Variants in ULK4 observed in about 807,000 individuals in gnomAD.
ULK4 encodes unc-51 like kinase 4.
In ULK4, 133 loss-of-function variants were observed where a neutral mutation model predicts 160.6. That is an observed-to-expected ratio of 0.83 (90% CI 0.72 to 0.96). ULK4 has a LOEUF of 0.96. Among genes scored for constraint, ULK4 ranks in the 40% least tolerant of loss-of-function variants. ULK4 has a pLI of 0.00. For synonymous variants in ULK4, 534 were observed against 539.8 expected (o/e 0.99, Z 0.15); for missense variants, 1,580 against 1,499.5 (o/e 1.05, Z -0.89).
chr3:41,354,568 C>T (rs72864988), intron 35 of ULK4, among the ~76,000 whole-genome samples: 23,226 of 151,904 alleles, frequency 0.15, 1,970 homozygotes, highest in African/African-American at 0.21. Context: ...ACCTGTTAGA[C>T]TGGGGATTCT....
chr3:41,775,122 A>C (rs528887978), intron 21 of ULK4, among the ~76,000 whole-genome samples: 1 of 149,812 alleles, frequency 6.7e-6, no homozygotes, highest in East Asian at 1.9e-4. Context: ...CCTAATGCTA[A>C]ATGACCAGTT....
chr3:41,290,773 T>C (rs988707835), intron 35 of ULK4, among the ~76,000 whole-genome samples: 2 of 152,230 alleles, frequency 1.3e-5, no homozygotes, highest in African/African-American at 4.8e-5. Flanking sequence ...CTGAAGATCA[T>C]CTCTTGATAC....
intron 31 of ULK4, among the ~76,000 whole-genome samples, chr3:41,583,872 TG>T (rs1214343352): frequency 6.6e-6 from 1 of 152,172 alleles, no homozygotes; most frequent in Non-Finnish European, 1.5e-5. Flanking sequence ...TACACAAATG[TG>T]GGATGGAGCA....
At chr3:41,423,554 T>G (rs2082706929) in intron 34 of ULK4, among the ~76,000 whole-genome samples, 1 of 152,008 alleles carries the variant, frequency 6.6e-6, no homozygotes, top group Non-Finnish European at 1.5e-5. Context: ...GCTTTTTGGT[T>G]ATAAGATTCA....
At position 41,254,264 on chromosome 3, in the gene ULK4, C is replaced by T. The variant is rs1034765670; in HGVS notation, c.3679-4690G>A. Among the ~76,000 whole-genome samples the T allele has an allele frequency of 2.6e-5, 4 of 152,236 alleles. No homozygotes were observed. In the South Asian group the frequency reaches 8.3e-4, roughly 32 times the overall value. ...CTGTGTCATAAAACGTATCTTAACA[C>T]ATTTAAAAAAATTGAAACCATATAA... On this transcript the variant is annotated intron_variant, in intron 35 of 36. Transcript: ENST00000301831.
intron 13 of ULK4, 38 bp downstream of exon 13, chr3:41,900,687 A>C (rs775689071): frequency 3.4e-6 from 5 of 1,480,714 alleles, no homozygotes; most frequent in Admixed American, 3.5e-5. Flanking sequence ...AGATCTCAGT[A>C]AAGTCTACAA....
intron 34 of ULK4, among the ~76,000 whole-genome samples, chr3:41,410,682 A>G (rs1239841118): frequency 6.6e-6 from 1 of 152,210 alleles, no homozygotes; most frequent in East Asian, 1.9e-4. Context: ...ACTGTTATAA[A>G]AAATGCTAAT....
chr3:41,443,656 G>C (rs1422103764), intron 34 of ULK4, among the ~76,000 whole-genome samples: 2 of 152,028 alleles, frequency 1.3e-5, no homozygotes, highest in Non-Finnish European at 2.9e-5. Flanking sequence ...ACTGAAATTT[G>C]TGCATATTAG....
chr3:41,444,361 TTCTCTCTCTCTCTCTCTC>T (rs56744200), intron 34 of ULK4, among the ~76,000 whole-genome samples: 2 of 146,580 alleles, frequency 1.4e-5, no homozygotes, highest in East Asian at 4.1e-4. Context: ...TTTAAGTGAC[TTCTCTCTCTCTCTCTCTC>T]TCTCTCTCTC....
At chr3:41,818,850 T>C (rs963716449) in intron 19 of ULK4, among the ~76,000 whole-genome samples, 3 of 152,256 alleles carry the variant, frequency 2.0e-5, no homozygotes, top group Non-Finnish European at 4.4e-5. Flanking sequence ...ATCCTTTACA[T>C]AGTTACACGT....
chr3:41,412,906 A>G (rs949235304), intron 34 of ULK4, among the ~76,000 whole-genome samples: 1 of 152,330 alleles, frequency 6.6e-6, no homozygotes, highest in East Asian at 1.9e-4. Flanking sequence ...AAAGCCATAC[A>G]CTTTTACCTT....
At chr3:41,385,342 C>G (rs1171845845) in intron 35 of ULK4, among the ~76,000 whole-genome samples, 5 of 151,938 alleles carry the variant, frequency 3.3e-5, no homozygotes, top group Non-Finnish European at 7.4e-5. Context: ...GCAGAAGATG[C>G]TGTAGAGAGA....
intron 16 of ULK4, among the ~76,000 whole-genome samples, chr3:41,894,033 A>G (rs928894242): frequency 1.3e-5 from 2 of 152,184 alleles, no homozygotes; most frequent in African/African-American, 4.8e-5. Context: ...AAACTGTTTT[A>G]CAATCAAACT....
intron 17 of ULK4, among the ~76,000 whole-genome samples, chr3:41,869,558 T>C (rs2125691713): frequency 1.3e-5 from 2 of 152,220 alleles, no homozygotes; most frequent in South Asian, 4.1e-4. Context: ...CCAGCCTGGG[T>C]GACCGGGTGA....
intron 35 of ULK4, among the ~76,000 whole-genome samples, chr3:41,273,017 G>A (rs1420952836): frequency 1.3e-5 from 2 of 152,080 alleles, no homozygotes; most frequent in Non-Finnish European, 2.9e-5. Flanking sequence ...CCATTCTAAT[G>A]TCTGTGTCAC....
At chr3:41,826,665 C>T (rs1458369827) in intron 18 of ULK4, among the ~76,000 whole-genome samples, 1 of 149,292 alleles carries the variant, frequency 6.7e-6, no homozygotes, top group African/African-American at 2.5e-5. Flanking sequence ...AAAGCAAGTC[C>T]TTAGAGACCT....
chr3:41,933,624 A>C (rs1451453147), intron 4 of ULK4, among the ~76,000 whole-genome samples: 4 of 152,186 alleles, frequency 2.6e-5, no homozygotes, highest in Non-Finnish European at 5.9e-5. Flanking sequence ...TCCCGGATAG[A>C]TATCAGCAAA....
At chr3:41,279,903 T>A (rs1025266912) in intron 35 of ULK4, among the ~76,000 whole-genome samples, 5 of 152,074 alleles carry the variant, frequency 3.3e-5, no homozygotes, top group African/African-American at 1.2e-4. Flanking sequence ...ACCCATCTCA[T>A]GTGCAGAGAC....
At chr3:41,363,835 C>T (rs1255543575) in intron 35 of ULK4, among the ~76,000 whole-genome samples, 1 of 151,976 alleles carries the variant, frequency 6.6e-6, no homozygotes, top group African/African-American at 2.4e-5. Flanking sequence ...ATAAAAGGGC[C>T]CTATCAGGTA....
Sources: gnomAD v4.1 joint callset for allele counts (sites outside exome capture counted in the v4.1 genomes callset) on GRCh38, gnomAD v4.1.1 for gene constraint, MANE v1.5 for transcripts, NCBI Gene and HGNC (gene_info 2026-07-23, HGNC 2026-07-21) for gene names.